RGS13: variants seen among roughly 807,000 people sequenced by gnomAD.
RGS13 encodes regulator of G-protein signalling 13.
RGS13 carries 14 observed loss-of-function variants against 19.9 expected under a neutral mutation model. The ratio of observed to expected loss-of-function variants is 0.70; its 90% CI spans 0.46 to 1.10. RGS13 has a LOEUF of 1.10. RGS13 is among the 50% of genes least tolerant of loss of function. The pLI, the probability that RGS13 is intolerant of heterozygous loss-of-function variation, is 0.00. For synonymous variants in RGS13, 60 were observed against 56.8 expected (o/e 1.06, Z -0.25); for missense variants, 205 against 187.1 (o/e 1.10, Z -0.56).
intron 4 of RGS13, chr1:192,646,028 A>G (rs1029532814): frequency 6.6e-6 from 1 of 152,176 alleles, no homozygotes; most frequent in Non-Finnish European, 1.5e-5. Context: ...ATTTCACCAG[A>G]TTGAAAAGGT....
At chr1:192,646,431 C>A (rs770092361) in intron 4 of RGS13, 1 of 152,094 alleles carries the variant, frequency 6.6e-6, no homozygotes, top group Non-Finnish European at 1.5e-5. Flanking sequence ...GAAAGCAGAA[C>A]AATTAAGAAT....
chr1:192,641,048 T>C (rs1387230240), intron 3 of RGS13, among the ~76,000 whole-genome samples: 2 of 151,158 alleles, frequency 1.3e-5, no homozygotes, highest in Non-Finnish European at 2.9e-5. Context: ...AGAATCTGTC[T>C]CTCTGTCATT....
chr1:192,652,456 T>C (rs1663359574), intron 5 of RGS13, among the ~76,000 whole-genome samples: 1 of 152,042 alleles, frequency 6.6e-6, no homozygotes. Context: ...ATGGCTCCCT[T>C]CATCAACCCT....
At position 192,659,577 on chromosome 1, in the gene RGS13, T is replaced by C; in HGVS notation, c.*54T>C. 7.8e-7 allele frequency: 1 copy of C among 1,285,730 alleles called. No individual in the cohort carries two copies. Among genetic ancestry groups the C allele is most frequent in the South Asian group, 1.4e-5 (1 of 69,924 alleles). The allele number at this position is 1,285,730 out of a possible 1,614,324, so 79.6% of individuals were successfully genotyped here. On this transcript the variant is annotated 3_prime_UTR_variant, in exon 7 of 7. Coordinates refer to ENST00000391995, the MANE Select transcript of RGS13 (RefSeq NM_002927.5). ...AGTATATTGAAAGTGGTGGGTTTGA[T>C]CTTTTTATTTAGAAACCCACAAAAT... is the stretch of plus-strand genomic sequence containing the variant.
intron 2 of RGS13, 114 bp downstream of exon 2, chr1:192,637,774 T>A (rs1663040924): frequency 6.6e-6 from 1 of 152,064 alleles, no homozygotes; most frequent in Non-Finnish European, 1.5e-5. Flanking sequence ...ATATTTAAAG[T>A]TATTTTTTAT....
At chr1:192,646,505 T>G (rs559331418) in intron 4 of RGS13, 1 of 152,290 alleles carries the variant, frequency 6.6e-6, no homozygotes, top group African/African-American at 2.4e-5. Context: ...ACCTTTATTC[T>G]AAGTTCATGG....
chr1:192,650,258 T>C (rs1200802308), intron 5 of RGS13, among the ~76,000 whole-genome samples: 1 of 152,112 alleles, frequency 6.6e-6, no homozygotes, highest in Non-Finnish European at 1.5e-5. Flanking sequence ...AACATCATAC[T>C]GCTCTTTATA....
intron 4 of RGS13, 171 bp downstream of exon 4, chr1:192,644,570 T>C (rs1571580825): frequency 1.8e-6 from 1 of 550,524 alleles, no homozygotes; most frequent in Non-Finnish European, 3.3e-6. Flanking sequence ...AAGATTCTTG[T>C]TTTCATTATT....
rs143481310 is a variant in RGS13, at chr1:192,658,207, C to T, written c.134C>T (p.Pro45Leu). Residue 45 changes from proline (P) to leucine (L), a missense_variant, in exon 6 of 7, where the codon CCA becomes CTA. Transcript: ENST00000391995. ...FENLMATKYG[P>L]VVYAAYLKME... ...ATTTCTCCTCTACTTTTAGATGGTCCAGTAGTCTATGCAGCATATTTAAAA... is the reference window on the plus strand; with the variant it reads ...ATTTCTCCTCTACTTTTAGATGGTCTAGTAGTCTATGCAGCATATTTAAAA... 293 of 1,610,608 alleles carry T rather than the reference C, an allele frequency of 1.8e-4. 1 individual carries two copies. In the African/African-American group the frequency reaches 3.4e-3, roughly 19 times the overall value.
chr1:192,653,796 T>G (rs1198295926), intron 5 of RGS13, among the ~76,000 whole-genome samples: 1 of 152,080 alleles, frequency 6.6e-6, no homozygotes, highest in African/African-American at 2.4e-5. Context: ...CAATTATTCA[T>G]GAACAAAGGA....
Position 192,655,272 on chromosome 1 carries a change from C to T in RGS13, c.128-2929C>T, listed in dbSNP as rs1039637990. 7.8e-4 allele frequency among the ~76,000 whole-genome samples: 118 copies of T among 152,228 alleles called. 1 individual carries two copies. Among genetic ancestry groups the T allele is most frequent in the African/African-American group, 2.6e-3 (110 of 41,544 alleles). On this transcript the variant is annotated intron_variant, in intron 5 of 6. Transcript: ENST00000391995. The stretch of plus-strand genomic sequence containing the variant: ...ATCACATGAGTCCGCTCATTCTGCA[C>T]GCTAGAATTATATCTGAAATATATA...
At chr1:192,642,669 C>A (rs1663145926) in intron 3 of RGS13, among the ~76,000 whole-genome samples, 1 of 151,964 alleles carries the variant, frequency 6.6e-6, no homozygotes, top group Non-Finnish European at 1.5e-5. Context: ...CTCATTGCCT[C>A]TTAATCTTTG....
intron 5 of RGS13, among the ~76,000 whole-genome samples, chr1:192,655,376 G>A (rs530251953): frequency 2.0e-5 from 3 of 152,056 alleles, no homozygotes; most frequent in African/African-American, 4.8e-5. Flanking sequence ...ATTAATAAAG[G>A]TTCACTTCTT....
rs34560851 is a variant in RGS13 at position 192,652,802 on chromosome 1, T to C, written c.127+4815T>C. ...ACATGTGTTTATTCAGTGCCTGCTA[T>C]ATAGCAAGCAGTGTTGAGGCACGGG... On this transcript the variant is annotated intron_variant, in intron 5 of 6. Coordinates refer to ENST00000391995, the MANE Select transcript of RGS13 (RefSeq NM_002927.5). Among the ~76,000 whole-genome samples, 1,316 of 152,098 alleles carry C rather than the reference T, an allele frequency of 8.7e-3. 14 individuals are homozygous for C. The highest frequency in any genetic ancestry group is 0.014 in the Non-Finnish European group (941 of 67,972).
At chr1:192,650,835 A>G (rs539138066) in intron 5 of RGS13, among the ~76,000 whole-genome samples, 5 of 152,028 alleles carry the variant, frequency 3.3e-5, no homozygotes, top group African/African-American at 1.2e-4. Context: ...GATTTTTTTT[A>G]TATATTTAAA....
Position 192,658,181 on chromosome 1 carries a change from G to C in RGS13, c.128-20G>C, listed in dbSNP as rs200381599. 5.7e-6 allele frequency: 9 copies of C among 1,571,516 alleles called. No individual in the cohort carries two copies. The East Asian group carries it at 1.1e-4, about 20-fold the overall frequency. On this transcript the variant is annotated intron_variant, in intron 5 of 6. Coordinates refer to ENST00000391995, the MANE Select transcript of RGS13 (RefSeq NM_002927.5). ...TGATTTTGACCCATGAAAATAAACT[G>C]ATTTCTCCTCTACTTTTAGATGGTC...
At chr1:192,650,869 A>T (rs970783706) in intron 5 of RGS13, among the ~76,000 whole-genome samples, 3 of 152,070 alleles carry the variant, frequency 2.0e-5, no homozygotes, top group African/African-American at 7.2e-5. Context: ...CTTGTTATTT[A>T]TATGAAACAT....
At chr1:192,649,488 T>C (rs1197390176) in intron 5 of RGS13, among the ~76,000 whole-genome samples, 1 of 152,156 alleles carries the variant, frequency 6.6e-6, no homozygotes, top group Non-Finnish European at 1.5e-5. Flanking sequence ...ATGCCTAATA[T>C]AGATTAAGCA....
chr1:192,642,626 C>G (rs1450093275), intron 3 of RGS13, among the ~76,000 whole-genome samples: 1 of 152,058 alleles, frequency 6.6e-6, no homozygotes, highest in East Asian at 1.9e-4. Flanking sequence ...AGTGCTGAGC[C>G]TAAATTCCTT....
Sources: allele counts gnomAD v4.1 joint callset (sites outside exome capture counted in the v4.1 genomes callset), GRCh38; gene constraint gnomAD v4.1.1; transcripts MANE v1.5; gene names NCBI Gene and HGNC (gene_info 2026-07-23, HGNC 2026-07-21).